The following LHFPL7 variants were observed in gnomAD, a reference collection of about 807,000 sequenced individuals.
The protein encoded by LHFPL7 is LHFPL tetraspan subfamily member 7.
chr22:24,937,993 C>T, the LHFPL7 span, among the ~76,000 whole-genome samples: 1 of 152,192 alleles, frequency 6.6e-6, no homozygotes, highest in Non-Finnish European at 1.5e-5. Context: ...TCTGGCTTGC[C>T]AAAGGACCAG....
At chr22:24,941,920 C>T in the LHFPL7 span, among the ~76,000 whole-genome samples, 1 of 152,030 alleles carries the variant, frequency 6.6e-6, no homozygotes, top group Non-Finnish European at 1.5e-5. Context: ...ACGCCTCGGA[C>T]TCCTAAAGTG....
At chr22:24,935,362 T>C in the LHFPL7 span, 1 of 1,613,714 alleles carries the variant, frequency 6.2e-7, no homozygotes, top group Non-Finnish European at 8.5e-7. Flanking sequence ...ACAAAGATGA[T>C]TCTCTCGGTG....
chr22:24,941,912 G>A, the LHFPL7 span, among the ~76,000 whole-genome samples: 2 of 151,980 alleles, frequency 1.3e-5, no homozygotes, highest in African/African-American at 2.4e-5. Context: ...TGATCCGCAC[G>A]CCTCGGACTC....
chr22:24,935,281 A>AT, the LHFPL7 span: 5 of 1,561,546 alleles, frequency 3.2e-6, no homozygotes, highest in Non-Finnish European at 4.3e-6. Flanking sequence ...TGGCTACATG[A>AT]TGATTTCATA....
At chr22:24,943,082 T>C in the LHFPL7 span, among the ~76,000 whole-genome samples, 1 of 151,816 alleles carries the variant, frequency 6.6e-6, no homozygotes, top group Admixed American at 6.6e-5. Context: ...ACAGTATTTT[T>C]ATGGGGTTTT....
chr22:24,945,760 G>A, the LHFPL7 span, among the ~76,000 whole-genome samples: 2 of 152,324 alleles, frequency 1.3e-5, no homozygotes, highest in Admixed American at 1.3e-4. Flanking sequence ...CAGCCTGGGG[G>A]GTGCAGGCCA....
At chr22:24,942,749 G>C in the LHFPL7 span, among the ~76,000 whole-genome samples, 3 of 152,272 alleles carry the variant, frequency 2.0e-5, no homozygotes, top group East Asian at 5.8e-4. Flanking sequence ...ACAGTGTTGG[G>C]ATCAGTCAAT....
At chr22:24,941,602 GT>G in the LHFPL7 span, among the ~76,000 whole-genome samples, 79,186 of 96,544 alleles carry the variant, frequency 0.82, 32,413 homozygotes, top group Non-Finnish European at 0.91. Context: ...GCGTATATTT[GT>G]TTTTTTTTTT....
At chr22:24,940,847 A>G in the LHFPL7 span, among the ~76,000 whole-genome samples, 2 of 147,764 alleles carry the variant, frequency 1.4e-5, no homozygotes, top group Admixed American at 1.4e-4. Flanking sequence ...GCTCACTGCC[A>G]CCTCAAACTC....
At chr22:24,944,776 C>A in the LHFPL7 span, among the ~76,000 whole-genome samples, 5 of 151,248 alleles carry the variant, frequency 3.3e-5, no homozygotes, top group Non-Finnish European at 5.9e-5. Flanking sequence ...GAGGTGAGGT[C>A]TCTCTATGTT....
the LHFPL7 span, among the ~76,000 whole-genome samples, chr22:24,939,924 C>CTTTTTTTTTTTTTTTTTTTTTTTTTTTTT: frequency 1.1e-5 from 1 of 86,980 alleles, no homozygotes; most frequent in African/African-American, 4.3e-5. Flanking sequence ...TCATTTATCG[C>CTTTTTTTTTTTTTTTTTTTTTTTTTTTTT]TTTTTTTTTT....
the LHFPL7 span, among the ~76,000 whole-genome samples, chr22:24,944,197 A>G: frequency 6.6e-6 from 1 of 152,196 alleles, no homozygotes; most frequent in Non-Finnish European, 1.5e-5. Flanking sequence ...AGGAAAATAG[A>G]AAAAGCCCCT....
chr22:24,938,433 G>T, the LHFPL7 span: 1 of 1,437,752 alleles, frequency 7.0e-7, no homozygotes, highest in Non-Finnish European at 9.4e-7. Context: ...CCTGCTCATT[G>T]ACCAGCTTCT....
the LHFPL7 span, among the ~76,000 whole-genome samples, chr22:24,942,892 A>AGAGT: frequency 3.1e-5 from 4 of 128,126 alleles, no homozygotes; most frequent in African/African-American, 9.0e-5. Context: ...AAGGGGATAA[A>AGAGT]GTGTGTGTGT....
At chr22:24,939,954 T>G in the LHFPL7 span, among the ~76,000 whole-genome samples, 1 of 132,902 alleles carries the variant, frequency 7.5e-6, no homozygotes, top group African/African-American at 2.7e-5. Context: ...TTGAGACAGA[T>G]TATTGCTCTG....
chr22:24,940,099 T>G, the LHFPL7 span, among the ~76,000 whole-genome samples: 1 of 150,552 alleles, frequency 6.6e-6, no homozygotes, highest in Non-Finnish European at 1.5e-5. Flanking sequence ...GGCTAATTTT[T>G]TGTATTTTTA....
At chr22:24,935,705 C>G in the LHFPL7 span, 1 of 1,373,424 alleles carries the variant, frequency 7.3e-7, no homozygotes, top group Non-Finnish European at 9.9e-7. Flanking sequence ...TCCACCCACT[C>G]ATTCATTCAT....
At chr22:24,938,057 C>T in the LHFPL7 span, 1,496 of 1,388,392 alleles carry the variant, frequency 1.1e-3, 4 homozygotes, top group Middle Eastern at 9.2e-3. Context: ...AGAGGCCAGG[C>T]TCTGCTCACA....
chr22:24,943,887 T>G, the LHFPL7 span, among the ~76,000 whole-genome samples: 1 of 152,156 alleles, frequency 6.6e-6, no homozygotes, highest in Admixed American at 6.5e-5. Context: ...GGACTTGATA[T>G]GTCAAGCCAA....
Sources: gnomAD v4.1 joint callset for allele counts (sites outside exome capture counted in the v4.1 genomes callset) on GRCh38, gnomAD v4.1.1 for gene constraint, MANE v1.5 for transcripts, NCBI Gene and HGNC (gene_info 2026-07-23, HGNC 2026-07-21) for gene names.